The following AADACL4 variants were observed in gnomAD, a reference collection of about 807,000 sequenced individuals.
AADACL4 encodes arylacetamide deacetylase like 4.
A neutral mutation model predicts 14.1 loss-of-function variants in AADACL4; 9 were observed. That is an observed-to-expected ratio of 0.64 (90% CI 0.39 to 1.12). The LOEUF (loss-of-function observed/expected upper bound fraction) is 1.12, where lower values mean the gene tolerates loss of function less well. Among genes scored for constraint, AADACL4 ranks in the 50% most tolerant of loss-of-function variants. AADACL4 has a pLI of 0.01. For missense variants in AADACL4, 531 were observed against 516.1 expected (o/e 1.03, Z -0.28); for synonymous variants, 188 against 201.6 (o/e 0.93, Z 0.57).
At chr1:12,650,539 T>C (rs1251529612) in intron 1 of AADACL4, among the ~76,000 whole-genome samples, 1 of 151,654 alleles carries the variant, frequency 6.6e-6, no homozygotes, top group African/African-American at 2.4e-5. Flanking sequence ...TTTCTTTTTT[T>C]TTTTTTTTCC....
At chr1:12,665,884 G>T in intron 3 of AADACL4, 77 bp from the exon 4 acceptor site, 2 of 1,425,368 alleles carry the variant, frequency 1.4e-6, no homozygotes, top group South Asian at 2.7e-5. Context: ...TTGTAAGGGG[G>T]TTGAGGATTC....
chr1:12,666,797 T>C lies in AADACL4; in HGVS notation c.*62T>C. 6.8e-7 allele frequency: 1 copy of C among 1,471,732 alleles called. No homozygotes were observed. Among genetic ancestry groups the C allele is most frequent in the Non-Finnish European group, 9.1e-7 (1 of 1,101,492 alleles). 91.2% of individuals were successfully genotyped at this position (1,471,732 alleles called of 1,614,324 possible). On this transcript the variant is annotated 3_prime_UTR_variant, in exon 4 of 4. Coordinates refer to ENST00000376221, the MANE Select transcript of AADACL4 (RefSeq NM_001013630.2). ...ATGGACTCTACCAGAAACCGGGTGC[T>C]TTAGTGAGTTCTATTTTATTGACTA...
Position 12,666,269 on chromosome 1 carries a change from T to C in AADACL4, c.758T>C (p.Leu253Pro). Reference sequence around the variant, plus strand: ...TCCCGGAAGTTCATGGTGACTTCTCTGTGTAACTATCTGGCCATTGACCTC... The same window carrying C: ...TCCCGGAAGTTCATGGTGACTTCTCCGTGTAACTATCTGGCCATTGACCTC... ...LLSRKFMVTSLCNYLAIDLSW... is the reference protein window; with the variant it reads ...LLSRKFMVTSPCNYLAIDLSW... The change falls in exon 4 of 4, where the codon CTG (leucine) becomes CCG (proline). Residue 253 changes from leucine to proline, a missense_variant. Coordinates refer to ENST00000376221, the MANE Select transcript of AADACL4 (RefSeq NM_001013630.2). The C allele has an allele frequency of 3.1e-6, 5 of 1,614,256 alleles. No homozygotes were observed. Among genetic ancestry groups the C allele is most frequent in the Non-Finnish European group, 2.5e-6 (3 of 1,180,048 alleles).
intron 1 of AADACL4, 71 bp from the exon 2 acceptor site, chr1:12,651,050 TAA>T (rs1427245362): frequency 1.4e-6 from 2 of 1,420,418 alleles, no homozygotes; most frequent in Middle Eastern, 1.8e-4. Context: ...CTAACAATTC[TAA>T]GTGTCAGGGA....
intron 1 of AADACL4, among the ~76,000 whole-genome samples, chr1:12,648,454 T>G (rs1647125885): frequency 6.6e-6 from 1 of 151,522 alleles, no homozygotes; most frequent in African/African-American, 2.4e-5. Context: ...TGAAGTGCAG[T>G]GGCATGATCT....
intron 2 of AADACL4, among the ~76,000 whole-genome samples, chr1:12,659,786 G>A (rs1037952126): frequency 6.6e-6 from 1 of 152,142 alleles, no homozygotes; most frequent in African/African-American, 2.4e-5. Flanking sequence ...GGGACCACAG[G>A]CATGCACCAC....
chr1:12,646,345 G>C (rs1022113494), intron 1 of AADACL4, among the ~76,000 whole-genome samples: 3 of 152,194 alleles, frequency 2.0e-5, no homozygotes, highest in African/African-American at 7.2e-5. Flanking sequence ...TATGTCTAGA[G>C]ATGTTTAGTG....
rs756510342 is a variant in AADACL4 at position 12,651,599 on chromosome 1, G to A, written c.385+260G>A. Among the ~76,000 whole-genome samples, 28 of 152,036 alleles carry A rather than the reference G, an allele frequency of 1.8e-4. 1 individual carries two copies. The highest frequency in any genetic ancestry group is 2.1e-4 in the South Asian group (1 of 4,814). ...CAGCAGTGGTCATGGTGGGGCTGTC[G>A]CAGAGGCTGTGGACTCCTCTCTCCC... is the stretch of plus-strand genomic sequence containing the variant. On this transcript the variant is annotated intron_variant, in intron 2 of 3. Coordinates refer to ENST00000376221, the MANE Select transcript of AADACL4 (RefSeq NM_001013630.2).
intron 3 of AADACL4, among the ~76,000 whole-genome samples, chr1:12,664,776 T>C (rs1244461699): frequency 6.6e-6 from 1 of 152,234 alleles, no homozygotes; most frequent in Non-Finnish European, 1.5e-5. Context: ...TAAGCCAAAC[T>C]GTTTCTATTT....
Position 12,644,572 on chromosome 1 carries a change from T to C in AADACL4, c.26T>C (p.Leu9Pro). 6.2e-7 allele frequency: 1 copy of C among 1,614,136 alleles called. No homozygotes were observed. Among genetic ancestry groups the C allele is most frequent in the Non-Finnish European group, 8.5e-7 (1 of 1,180,002 alleles). Residue 9 changes from leucine (L) to proline (P), a missense_variant, in exon 1 of 4, where the codon CTC (leucine) becomes CCC (proline). Coordinates refer to ENST00000376221, the MANE Select transcript of AADACL4 (RefSeq NM_001013630.2). MAVPWLVL[L>P]LALPIFFLGV... is the part of the protein sequence containing the mutation. ...ATGGCTGTCCCCTGGCTAGTGCTAC[T>C]CTTGGCATTGCCCATCTTTTTCCTG...
In AADACL4 at chr1:12,666,680, T is replaced by C; in HGVS notation, c.1169T>C (p.Phe390Ser). The C allele has an allele frequency of 2.5e-6, 4 of 1,613,862 alleles. No individual in the cohort carries two copies. The highest frequency in any genetic ancestry group is 3.4e-6 in the Non-Finnish European group (4 of 1,180,022). ...IIFFDKKALS[F>S]PCSLKIVNAV... ...TTTTTTGATAAGAAGGCTCTCTCTT[T>C]CCCATGTTCCCTGAAGATTGTGAAT... The change falls in exon 4 of 4, where the codon TTC (phenylalanine) becomes TCC (serine). Residue 390 changes from phenylalanine to serine, a missense_variant. Coordinates refer to ENST00000376221, the MANE Select transcript of AADACL4 (RefSeq NM_001013630.2).
chr1:12,665,189 G>A (rs1051427013), intron 3 of AADACL4, among the ~76,000 whole-genome samples: 3 of 152,062 alleles, frequency 2.0e-5, no homozygotes, highest in African/African-American at 7.2e-5. Flanking sequence ...CACCATGCAT[G>A]CCTAGCCAAT....
chr1:12,666,137 G>C lies in AADACL4; in HGVS notation c.626G>C (p.Arg209Thr). The C allele has an allele frequency of 6.2e-7, 1 of 1,614,258 alleles. No homozygotes were observed. Among genetic ancestry groups the C allele is most frequent in the Non-Finnish European group, 8.5e-7 (1 of 1,180,040 alleles). Residue 209 changes from arginine to threonine, a missense_variant, in exon 4 of 4, where the codon AGA becomes ACA. Arg to Thr is a moderately conservative substitution (Grantham distance 71). Transcript: ENST00000376221. ...GCCATCACCCAGGCCTTGGTGGGCAGATCAGATCTTCCCCGGATCCGGGCT... is the reference window on the plus strand; with the variant it reads ...GCCATCACCCAGGCCTTGGTGGGCACATCAGATCTTCCCCGGATCCGGGCT... ...VAAITQALVG[R>T]SDLPRIRAQV...
chr1:12,659,418 C>T lies in AADACL4; in HGVS notation c.386-2373C>T, dbSNP rs181184629. On this transcript the variant is annotated intron_variant, in intron 2 of 3. Coordinates refer to ENST00000376221, the MANE Select transcript of AADACL4 (RefSeq NM_001013630.2). The stretch of plus-strand genomic sequence containing the variant: ...GGCCCTTTGGAAGCCGGAAAAGAGC[C>T]TTCTAGGTGAGGGCCGGGGCTAGAG... Among the ~76,000 whole-genome samples, 36 of 152,292 alleles carry T rather than the reference C, an allele frequency of 2.4e-4. No homozygotes were observed. In the East Asian group the frequency reaches 6.0e-3, roughly 25 times the overall value.
At position 12,666,018 on chromosome 1, in the gene AADACL4, C is replaced by T. The variant is rs1429747079; in HGVS notation, c.507C>T (p.Ala169=). 1.2e-6 allele frequency: 2 copies of T among 1,614,178 alleles called. No individual in the cohort carries two copies. The highest frequency in any genetic ancestry group is 2.2e-5 in the South Asian group (2 of 91,072). ...CCCTTTTCCAAGACTGCATGAATGC[C>T]TCCATTCACTTCCTGAAGGCCCTGG... ...SPALFQDCMN[A]SIHFLKALET... The change falls in exon 4 of 4, where the codon GCC becomes GCT. Residue 169 remains alanine (A), a synonymous_variant. Transcript: ENST00000376221.
intron 2 of AADACL4, 80 bp downstream of exon 2, chr1:12,651,419 C>T: frequency 7.1e-7 from 1 of 1,413,080 alleles, no homozygotes; most frequent in Non-Finnish European, 9.8e-7. Flanking sequence ...CGCAAGAACC[C>T]TTCTACAGTA....
chr1:12,665,721 T>C (rs570131979), intron 3 of AADACL4, among the ~76,000 whole-genome samples: 15 of 152,306 alleles, frequency 9.8e-5, no homozygotes, highest in Non-Finnish European at 2.1e-4. Context: ...TCACCTCGTA[T>C]AGAGTTTACG....
intron 1 of AADACL4, among the ~76,000 whole-genome samples, chr1:12,649,626 G>A (rs569751271): frequency 4.8e-4 from 73 of 152,286 alleles, no homozygotes; most frequent in African/African-American, 1.6e-3. Context: ...GGGGTAGTCC[G>A]TGCAACCTCA....
chr1:12,665,924 C>A, intron 3 of AADACL4, 37 bp from the exon 4 acceptor site: 1 of 1,561,204 alleles, frequency 6.4e-7, no homozygotes, highest in Admixed American at 1.8e-5. Flanking sequence ...CAACACTGTC[C>A]ACACTGGTGT....
Sources: allele counts gnomAD v4.1 joint callset (sites outside exome capture counted in the v4.1 genomes callset), GRCh38; gene constraint gnomAD v4.1.1; transcripts MANE v1.5; gene names NCBI Gene and HGNC (gene_info 2026-07-23, HGNC 2026-07-21).